Variants in RBL1 observed in about 807,000 individuals in gnomAD.
RBL1 encodes the protein RB transcriptional corepressor like 1.
RBL1 carries 82 observed loss-of-function variants against 123.0 expected under a neutral mutation model. The observed-to-expected ratio is 0.67, with a 90% confidence interval of 0.56 to 0.80. The LOEUF is 0.80. RBL1 is among the 30% of genes least tolerant of loss of function. RBL1 has a pLI of 0.00. For missense variants in RBL1, 1,171 were observed against 1,299.6 expected, an observed-to-expected ratio of 0.90 and a Z score of 1.52; for synonymous variants, 405 against 441.3, an observed-to-expected ratio of 0.92 and a Z score of 1.03.
chr20:37,048,209 T>G (rs2064847497), intron 11 of RBL1, among the ~76,000 whole-genome samples: 1 of 152,074 alleles, frequency 6.6e-6, no homozygotes, highest in Admixed American at 6.6e-5. Context: ...ACATAGCAAC[T>G]GAGGACACAG....
chr20:37,070,807 T>C (rs1293924431), intron 2 of RBL1, among the ~76,000 whole-genome samples: 1 of 152,206 alleles, frequency 6.6e-6, no homozygotes, highest in African/African-American at 2.4e-5. Context: ...CATTTTTTTA[T>C]GTCCCTATGT....
intron 13 of RBL1, among the ~76,000 whole-genome samples, chr20:37,041,535 C>T (rs1213579572): frequency 6.6e-6 from 1 of 152,030 alleles, no homozygotes; most frequent in African/African-American, 2.4e-5. Flanking sequence ...ATTGGCCAGC[C>T]TGGTCTCGAA....
chr20:37,059,512 C>T (rs1032364762), intron 9 of RBL1, among the ~76,000 whole-genome samples: 8 of 152,196 alleles, frequency 5.3e-5, no homozygotes, highest in African/African-American at 9.6e-5. Flanking sequence ...GTGGTACATA[C>T]GGACTTTCAA....
intron 2 of RBL1, among the ~76,000 whole-genome samples, chr20:37,080,712 G>A (rs943831325): frequency 1.3e-5 from 2 of 152,078 alleles, no homozygotes; most frequent in Non-Finnish European, 2.9e-5. Context: ...ACCCGCCTAG[G>A]CCTCCCAAAG....
chr20:37,003,993 G>T (rs1301512548), intron 20 of RBL1, 127 bp from the exon 21 acceptor site: 9 of 693,512 alleles, frequency 1.3e-5, no homozygotes, highest in Non-Finnish European at 1.8e-5. Flanking sequence ...ATTTATGGTT[G>T]AGAAAAAAAA....
At chr20:37,010,372 A>G (rs1013605254) in intron 19 of RBL1, among the ~76,000 whole-genome samples, 2 of 152,216 alleles carry the variant, frequency 1.3e-5, no homozygotes, top group Non-Finnish European at 2.9e-5. Context: ...CTTACTATGA[A>G]CAAGCCCTGT....
intron 19 of RBL1, among the ~76,000 whole-genome samples, chr20:37,014,082 TCTC>T (rs999169401): frequency 2.7e-5 from 4 of 149,540 alleles, no homozygotes; most frequent in African/African-American, 1.0e-4. Context: ...CATAACTTTC[TCTC>T]TTTTTTTTTT....
chr20:37,033,947 CTTTTTT>C (rs201186362), intron 15 of RBL1, among the ~76,000 whole-genome samples: 42 of 139,482 alleles, frequency 3.0e-4, no homozygotes, highest in Non-Finnish European at 5.6e-4. Flanking sequence ...TTTTCTTTTT[CTTTTTT>C]TTTTTGACAA....
rs201763575 is a variant in RBL1 at position 37,040,232 on chromosome 20, A to G, written c.1824T>C (p.His608=). Residue 608 remains histidine (H), a synonymous_variant, in exon 14 of 22, where the codon CAT becomes CAC. Coordinates refer to ENST00000373664, the MANE Select transcript of RBL1 (RefSeq NM_002895.5). ...GAGGAGACATTGGCATCAGGGGAAG[A>G]TGTCCCTGCACATTTCCTCCATTTC... ...ETGNGGNVQG[H]LPLMPMSPLM... is the part of the protein sequence containing the mutation. The G allele has an allele frequency of 8.9e-5, 144 of 1,614,012 alleles. 2 individuals carry two copies. The highest frequency in any genetic ancestry group is 6.6e-4 in the Middle Eastern group (4 of 6,084).
chr20:37,083,478 A>T (rs1442416222), intron 2 of RBL1, among the ~76,000 whole-genome samples: 1 of 140,922 alleles, frequency 7.1e-6, no homozygotes, highest in Non-Finnish European at 1.5e-5. Context: ...CAAAAAACAC[A>T]AACAAAAAAT....
chr20:37,054,593 G>A (rs551328021), intron 11 of RBL1, among the ~76,000 whole-genome samples: 3 of 152,052 alleles, frequency 2.0e-5, no homozygotes, highest in Non-Finnish European at 2.9e-5. Context: ...ACTTTGTGAG[G>A]CTGAGGTGGG....
intron 2 of RBL1, among the ~76,000 whole-genome samples, chr20:37,077,574 T>A (rs1281420786): frequency 2.0e-5 from 3 of 152,160 alleles, no homozygotes; most frequent in Admixed American, 6.5e-5. Context: ...GTCTCCAACA[T>A]GGGGCCTACC....
chr20:37,032,048 TG>T (rs2064522499), intron 16 of RBL1, among the ~76,000 whole-genome samples: 1 of 151,956 alleles, frequency 6.6e-6, no homozygotes, highest in East Asian at 1.9e-4. Context: ...ACGCCTGGTT[TG>T]AACAGACACC....
chr20:37,080,322 G>GT (rs2065428383), intron 2 of RBL1, among the ~76,000 whole-genome samples: 1 of 151,440 alleles, frequency 6.6e-6, no homozygotes. Context: ...ATGTTCGGCT[G>GT]TTTTTTGTAT....
At chr20:37,079,845 T>C (rs2065421435) in intron 2 of RBL1, among the ~76,000 whole-genome samples, 1 of 152,190 alleles carries the variant, frequency 6.6e-6, no homozygotes. Context: ...TACGTAAAAT[T>C]GTCCAGTTTC....
At chr20:37,028,659 C>T (rs370566741) in intron 16 of RBL1, among the ~76,000 whole-genome samples, 3 of 152,148 alleles carry the variant, frequency 2.0e-5, no homozygotes, top group Admixed American at 6.6e-5. Context: ...CTCCATTCTA[C>T]GGCAACATAA....
chr20:37,049,273 C>A (rs975054506), intron 11 of RBL1: 3 of 578,758 alleles, frequency 5.2e-6, no homozygotes, highest in Admixed American at 2.7e-5. Flanking sequence ...TTCGTGAAAA[C>A]CCTTACAGGG....
chr20:37,074,688 G>A (rs761887166), intron 2 of RBL1, among the ~76,000 whole-genome samples: 10 of 151,988 alleles, frequency 6.6e-5, no homozygotes, highest in South Asian at 2.1e-4. Flanking sequence ...GGCTGGGAGC[G>A]GTGGTTCACG....
intron 12 of RBL1, among the ~76,000 whole-genome samples, chr20:37,046,609 CTTT>C (rs565859682): frequency 2.1e-5 from 3 of 140,202 alleles, no homozygotes; most frequent in Non-Finnish European, 1.6e-5. Flanking sequence ...TATATATTAT[CTTT>C]TTTTTTTTTT....
Sources: gnomAD v4.1 joint callset for allele counts (sites outside exome capture counted in the v4.1 genomes callset) on GRCh38, gnomAD v4.1.1 for gene constraint, MANE v1.5 for transcripts, NCBI Gene and HGNC (gene_info 2026-07-23, HGNC 2026-07-21) for gene names.